Variants in KATNBL1 observed in about 807,000 individuals in gnomAD.
The protein encoded by KATNBL1 is katanin regulatory subunit B1 like 1.
Under a neutral mutation model 44.7 loss-of-function variants are expected in KATNBL1, and 28 were observed. The ratio of observed to expected loss-of-function variants is 0.63; its 90% confidence interval spans 0.46 to 0.86. The LOEUF (loss-of-function observed/expected upper bound fraction) is 0.86, where lower values mean the gene tolerates loss of function less well. Ranked by LOEUF, KATNBL1 falls within the 40% of genes least tolerant of loss-of-function variation. The pLI is 0.00. For missense variants in KATNBL1, 272 were observed against 350.7 expected (o/e 0.78, Z 1.79); for synonymous variants, 78 against 114.9 (o/e 0.68, Z 2.06).
intron 1 of KATNBL1, among the ~76,000 whole-genome samples, chr15:34,176,052 A>G (rs1488190884): frequency 1.3e-5 from 2 of 152,180 alleles, no homozygotes; most frequent in Non-Finnish European, 2.9e-5. Flanking sequence ...AATGTGGTGT[A>G]TCTGTATGGA....
Position 34,190,186 on chromosome 15 carries a change from C to T in KATNBL1, c.-15+19765G>A, listed in dbSNP as rs538029554. 2.6e-5 allele frequency among the ~76,000 whole-genome samples: 4 copies of T among 152,232 alleles called. No individual in the cohort carries two copies. In the South Asian group the frequency reaches 6.2e-4, roughly 24 times the overall value. On this transcript the variant is annotated intron_variant, in intron 1 of 9. Coordinates refer to ENST00000256544, the MANE Select transcript of KATNBL1 (RefSeq NM_024713.3). ...GTCTCGATCTCCTGACCTCGTGATC[C>T]CCCAGCCTCGGCCTCCCAAAGTGCT...
intron 1 of KATNBL1, among the ~76,000 whole-genome samples, chr15:34,176,794 T>C (rs1271082142): frequency 6.6e-6 from 1 of 152,220 alleles, no homozygotes; most frequent in Non-Finnish European, 1.5e-5. Context: ...AAAGTCTCAT[T>C]GCAAAGGATT....
Position 34,142,024 on chromosome 15 carries a change from T to A in KATNBL1, c.*315A>T, listed in dbSNP as rs953686118. 1 of 207,682 alleles carries A rather than the reference T, an allele frequency of 4.8e-6. No individual in the cohort carries two copies. The highest frequency in any genetic ancestry group is 1.1e-4 in the East Asian group (1 of 9,460). The allele number at this position is 207,682 out of a possible 1,614,324, so 12.9% of individuals were successfully genotyped here. ...GTATAAATTATATTTTTATGCAGGATTGCATTAAAATCCAGTAGTTCTTAA... is the reference window on the plus strand; with the variant it reads ...GTATAAATTATATTTTTATGCAGGAATGCATTAAAATCCAGTAGTTCTTAA... On this transcript the variant is annotated 3_prime_UTR_variant, in exon 10 of 10. Transcript: ENST00000256544.
At chr15:34,193,241 A>G (rs1487905221) in intron 1 of KATNBL1, among the ~76,000 whole-genome samples, 2 of 148,084 alleles carry the variant, frequency 1.4e-5, no homozygotes, top group East Asian at 3.9e-4. Context: ...AAAAACAAAA[A>G]AAAAACTTAA....
At chr15:34,175,069 C>G (rs1025037870) in intron 1 of KATNBL1, among the ~76,000 whole-genome samples, 2 of 151,240 alleles carry the variant, frequency 1.3e-5, no homozygotes, top group African/African-American at 4.9e-5. Context: ...GGGCAACATA[C>G]TAAGATTCCA....
chr15:34,208,412 C>T (rs1296436696), intron 1 of KATNBL1: 1 of 152,226 alleles, frequency 6.6e-6, no homozygotes, highest in African/African-American at 2.4e-5. Context: ...TAAGTATAAA[C>T]TGCTGATTTC....
At chr15:34,143,169 T>G in intron 9 of KATNBL1, 2 of 442,792 alleles carry the variant, frequency 4.5e-6, no homozygotes, top group Non-Finnish European at 7.1e-6. Flanking sequence ...AATAAAGCTT[T>G]TCCCTTTGTA....
intron 1 of KATNBL1, among the ~76,000 whole-genome samples, chr15:34,206,187 T>C (rs1232761192): frequency 6.6e-6 from 1 of 152,174 alleles, no homozygotes; most frequent in Non-Finnish European, 1.5e-5. Context: ...AGTATGCTAG[T>C]GGGCAGAGGA....
intron 1 of KATNBL1, chr15:34,199,893 G>A (rs1595366612): frequency 6.6e-6 from 1 of 152,212 alleles, no homozygotes; most frequent in Non-Finnish European, 1.5e-5. Context: ...CGAGCCGGTT[G>A]CCACTAGGGC....
In KATNBL1 at chr15:34,205,770, T is replaced by C. The variant is rs1210718393; in HGVS notation, c.-15+4181A>G. The stretch of plus-strand genomic sequence containing the variant: ...ACTCGTTCAACAAATATTAAGTACA[T>C]GTTACAGACTAATTACTATTCTACG... On this transcript the variant is annotated intron_variant, in intron 1 of 9. Coordinates refer to ENST00000256544, the MANE Select transcript of KATNBL1 (RefSeq NM_024713.3). 2.0e-5 allele frequency among the ~76,000 whole-genome samples: 3 copies of C among 152,216 alleles called. No homozygotes were observed. The East Asian group carries it at 5.8e-4, about 29-fold the overall frequency.
At chr15:34,154,457 G>C (rs1597430194) in intron 3 of KATNBL1, among the ~76,000 whole-genome samples, 187 bp downstream of exon 3, 1 of 152,196 alleles carries the variant, frequency 6.6e-6, no homozygotes, top group South Asian at 2.1e-4. Flanking sequence ...GTAGGCTATA[G>C]AGTAGGACTG....
chr15:34,191,449 G>A (rs371738136), intron 1 of KATNBL1, among the ~76,000 whole-genome samples: 1 of 152,016 alleles, frequency 6.6e-6, no homozygotes, highest in African/African-American at 2.4e-5. Flanking sequence ...TAAATACCCA[G>A]AAGTGAAATG....
At chr15:34,184,570 AT>A (rs1941551688) in intron 1 of KATNBL1, among the ~76,000 whole-genome samples, 1 of 23,238 alleles carries the variant, frequency 4.3e-5, no homozygotes, top group South Asian at 3.2e-3. Flanking sequence ...GTCTCTCCTA[AT>A]GTTTCTTTTT....
chr15:34,146,443 C>G (rs1888313679), intron 8 of KATNBL1: 1 of 214,636 alleles, frequency 4.7e-6, no homozygotes, highest in Admixed American at 5.5e-5. Context: ...GCCTCCATTC[C>G]TTATTACACT....
At chr15:34,149,398 A>T (rs1156604800) in intron 4 of KATNBL1, among the ~76,000 whole-genome samples, 1 of 152,214 alleles carries the variant, frequency 6.6e-6, no homozygotes, top group East Asian at 1.9e-4. Flanking sequence ...ACCTATATGA[A>T]CATTTTTCAA....
intron 4 of KATNBL1, among the ~76,000 whole-genome samples, chr15:34,150,024 T>C (rs1040778566): frequency 2.0e-5 from 3 of 152,246 alleles, no homozygotes; most frequent in Non-Finnish European, 2.9e-5. Flanking sequence ...TTTGTTAAAA[T>C]TAATTTTACA....
intron 2 of KATNBL1, among the ~76,000 whole-genome samples, chr15:34,160,043 A>C (rs192580663): frequency 2.6e-5 from 4 of 152,376 alleles, no homozygotes; most frequent in African/African-American, 9.6e-5. Flanking sequence ...AAGATAAAAA[A>C]AGATATAGCC....
chr15:34,152,009 C>T (rs189504655), intron 4 of KATNBL1, among the ~76,000 whole-genome samples: 21 of 147,886 alleles, frequency 1.4e-4, no homozygotes, highest in Non-Finnish European at 2.7e-4. Flanking sequence ...GGAATGATCG[C>T]GGCTCACTGC....
At chr15:34,195,690 C>CAAAAAAAAAAAAAACAAAAAAAAAAA (rs1890011704) in intron 1 of KATNBL1, among the ~76,000 whole-genome samples, 1 of 111,442 alleles carries the variant, frequency 9.0e-6, no homozygotes, top group African/African-American at 3.7e-5. Context: ...GACGCCATCT[C>CAAAAAAAAAAAAAACAAAAAAAAAAA]AAAAAAAAAA....
Sources: allele counts gnomAD v4.1 joint callset (sites outside exome capture counted in the v4.1 genomes callset), GRCh38; gene constraint gnomAD v4.1.1; transcripts MANE v1.5; gene names NCBI Gene and HGNC (gene_info 2026-07-23, HGNC 2026-07-21).